The following ARAP2 variants were observed in gnomAD, a reference collection of about 807,000 sequenced individuals.
ARAP2 encodes the protein ArfGAP with RhoGAP domain, ankyrin repeat and PH domain 2.
ARAP2 carries 148 observed loss-of-function variants against 194.5 expected under a neutral mutation model. The ratio of observed to expected loss-of-function variants is 0.76; its 90% confidence interval spans 0.67 to 0.87. ARAP2 has a LOEUF of 0.87. Among genes scored for constraint, ARAP2 ranks in the 40% least tolerant of loss-of-function variants. The pLI is 0.00. For synonymous variants in ARAP2, 695 were observed against 683.5 expected (o/e 1.02, Z -0.26); for missense variants, 2,128 against 1,989.7 (o/e 1.07, Z -1.32).
At chr4:36,202,065 T>C (rs895464659) in intron 6 of ARAP2, among the ~76,000 whole-genome samples, 1 of 152,216 alleles carries the variant, frequency 6.6e-6, no homozygotes, top group African/African-American at 2.4e-5. Context: ...TCCAGATTCA[T>C]CTGCCTTGTT....
rs1213656838 is a variant in ARAP2, at chr4:36,229,240, T to G, written c.247A>C (p.Thr83Pro). 3 of 1,613,922 alleles carry G rather than the reference T, an allele frequency of 1.9e-6. No individual in the cohort carries two copies. Among genetic ancestry groups the G allele is most frequent in the East Asian group, 2.2e-5 (1 of 44,896 alleles). ...DIPIYANVHK[T>P]KKNDDPSKDY... ...TTTGAAGGGTCATCATTCTTCTTAG[T>G]TTTATGAACATTTGCATATATTGGA... is the stretch of plus-strand genomic sequence containing the variant. Residue 83 changes from threonine to proline, a missense_variant, in exon 2 of 33, where the codon ACT becomes CCT. Thr to Pro is a conservative substitution (Grantham distance 38). Transcript: ENST00000303965.
chr4:36,018,834 T>C (rs1314075772), intron 6 of ARAP2, among the ~76,000 whole-genome samples: 1 of 152,144 alleles, frequency 6.6e-6, no homozygotes, highest in East Asian at 1.9e-4. Context: ...GGAAAATAAT[T>C]GGTAGGATTT....
chr4:36,088,106 A>G (rs1712432908), intron 28 of ARAP2, among the ~76,000 whole-genome samples: 1 of 152,092 alleles, frequency 6.6e-6, no homozygotes, highest in Non-Finnish European at 1.5e-5. Context: ...ACCACCAACT[A>G]CTATATTTGT....
chr4:36,156,372 A>AGGGAGGGT (rs1553923201), intron 15 of ARAP2, among the ~76,000 whole-genome samples: 1 of 26,142 alleles, frequency 3.8e-5, no homozygotes, highest in Non-Finnish European at 7.0e-5. Flanking sequence ...GGAGGGAGGG[A>AGGGAGGGT]GGGGGAAAGA....
At chr4:36,207,528 T>C (rs1745821554) in intron 6 of ARAP2, among the ~76,000 whole-genome samples, 1 of 152,236 alleles carries the variant, frequency 6.6e-6, no homozygotes, top group Non-Finnish European at 1.5e-5. Flanking sequence ...AACCAAATAT[T>C]GGGCAATGCT....
chr4:36,073,810 A>G lies in ARAP2; in HGVS notation c.4622T>C (p.Ile1541Thr), dbSNP rs1727606083. Reference protein sequence around the residue: ...SIFIAQHEYDIWPPAGKERKR... With the variant: ...SIFIAQHEYDTWPPAGKERKR... Reference sequence around the variant, plus strand: ...TCGTTCCTTTCCAGCTGGTGGCCATATATCATATTCATGCTGTGGAAACAC... The same window carrying G: ...TCGTTCCTTTCCAGCTGGTGGCCATGTATCATATTCATGCTGTGGAAACAC... The change falls in exon 32 of 33, where the codon ATA (isoleucine) becomes ACA (threonine). Residue 1541 changes from isoleucine to threonine, a missense_variant. Transcript: ENST00000303965. 6.2e-7 allele frequency: 1 copy of G among 1,612,968 alleles called. No homozygotes were observed. The highest frequency in any genetic ancestry group is 8.5e-7 in the Non-Finnish European group (1 of 1,179,174).
chr4:36,099,317 G>C (rs1042441441), intron 27 of ARAP2, among the ~76,000 whole-genome samples: 11 of 151,810 alleles, frequency 7.2e-5, no homozygotes, highest in African/African-American at 2.7e-4. Context: ...TGAGTATTTG[G>C]GTTACTTCCA....
chr4:36,187,726 A>G (rs1172708588), intron 7 of ARAP2, among the ~76,000 whole-genome samples, 155 bp from the exon 8 acceptor site: 1 of 152,242 alleles, frequency 6.6e-6, no homozygotes, highest in Admixed American at 6.5e-5. Flanking sequence ...TCATATTCTC[A>G]TGTAATACCC....
chr4:36,058,599 T>C (rs1181530891), intron 1 of ARAP2, among the ~76,000 whole-genome samples: 1 of 152,202 alleles, frequency 6.6e-6, no homozygotes, highest in East Asian at 1.9e-4. Flanking sequence ...TTTTATTTTT[T>C]ATTTTGTTTC....
intron 19 of ARAP2, among the ~76,000 whole-genome samples, chr4:36,144,172 G>T (rs922895456): frequency 2.6e-5 from 4 of 151,494 alleles, no homozygotes; most frequent in Non-Finnish European, 1.5e-5. Flanking sequence ...AAAAAAAAGG[G>T]TACAAAAATA....
chr4:36,174,682 G>A (rs1428329838), intron 9 of ARAP2, among the ~76,000 whole-genome samples: 1 of 152,150 alleles, frequency 6.6e-6, no homozygotes, highest in Non-Finnish European at 1.5e-5. Flanking sequence ...GCTCAGAAAT[G>A]TGGAATTTTA....
intron 26 of ARAP2, among the ~76,000 whole-genome samples, chr4:36,110,028 T>C (rs1246069525): frequency 1.3e-5 from 2 of 151,952 alleles, no homozygotes; most frequent in East Asian, 3.9e-4. Flanking sequence ...GATATTATTA[T>C]TCATATTTCA....
At chr4:36,180,913 G>A (rs1739095717) in intron 8 of ARAP2, among the ~76,000 whole-genome samples, 1 of 152,168 alleles carries the variant, frequency 6.6e-6, no homozygotes, top group Non-Finnish European at 1.5e-5. Flanking sequence ...AGGAACAACG[G>A]AACAGATAAT....
intron 2 of ARAP2, among the ~76,000 whole-genome samples, chr4:36,221,492 A>G (rs1749162021): frequency 6.6e-6 from 1 of 152,148 alleles, no homozygotes; most frequent in Admixed American, 6.6e-5. Flanking sequence ...TTCCTCACCC[A>G]GGACCTAAGC....
chr4:36,168,365 A>C (rs1428543586), intron 9 of ARAP2, among the ~76,000 whole-genome samples: 3 of 152,172 alleles, frequency 2.0e-5, no homozygotes, highest in African/African-American at 4.8e-5. Context: ...CTTAGGCTCT[A>C]AGGATGCGAA....
intron 4 of ARAP2, 53 bp downstream of exon 4, chr4:36,213,190 G>A: frequency 7.9e-7 from 1 of 1,267,566 alleles, no homozygotes; most frequent in Non-Finnish European, 1.1e-6. Context: ...GTACAAATAG[G>A]CAGAAAAGCA....
chr4:36,173,971 T>C (rs1222263928), intron 9 of ARAP2, among the ~76,000 whole-genome samples: 1 of 152,200 alleles, frequency 6.6e-6, no homozygotes, highest in Non-Finnish European at 1.5e-5. Context: ...ATCATCATCA[T>C]CATCAGAAAG....
At chr4:36,120,385 G>A (rs1338582994) in intron 23 of ARAP2, among the ~76,000 whole-genome samples, 1 of 151,530 alleles carries the variant, frequency 6.6e-6, no homozygotes, top group Non-Finnish European at 1.5e-5. Flanking sequence ...CTTATGATAA[G>A]TGATTATAAT....
At chr4:36,039,463 T>A (rs1286470656) in intron 5 of ARAP2, among the ~76,000 whole-genome samples, 2 of 152,204 alleles carry the variant, frequency 1.3e-5, no homozygotes, top group East Asian at 3.8e-4. Flanking sequence ...ATTGGACCAC[T>A]GGCGGTTAAC....
Sources: gnomAD v4.1 joint callset for allele counts (sites outside exome capture counted in the v4.1 genomes callset) on GRCh38, gnomAD v4.1.1 for gene constraint, MANE v1.5 for transcripts, NCBI Gene and HGNC (gene_info 2026-07-23, HGNC 2026-07-21) for gene names.